Variants in ERICH1 observed in about 807,000 individuals in gnomAD.
ERICH1 encodes the protein glutamate-rich protein 1.
Under a neutral mutation model 39.6 loss-of-function variants are expected in ERICH1, and 56 were observed. The observed-to-expected ratio is 1.41, with a 90% confidence interval of 1.14 to 1.77. The LOEUF (loss-of-function observed/expected upper bound fraction) is 1.77, where lower values mean the gene tolerates loss of function less well. ERICH1 is among the 40% of genes most tolerant of loss of function. The pLI, the probability that ERICH1 is intolerant of heterozygous loss-of-function variation, is 0.00. For synonymous variants in ERICH1, 313 were observed against 223.6 expected (o/e 1.40, Z -3.57); for missense variants, 826 against 575.4 (o/e 1.44, Z -4.45).
At chr8:624,335 C>A (rs1381238852) in intron 3 of ERICH1, among the ~76,000 whole-genome samples, 1 of 152,162 alleles carries the variant, frequency 6.6e-6, no homozygotes, top group Non-Finnish European at 1.5e-5. Flanking sequence ...GATGGTGCAA[C>A]CATGTGGAAC....
intron 3 of ERICH1, chr8:615,517 G>T (rs1001064743): frequency 6.9e-6 from 3 of 431,748 alleles, no homozygotes; most frequent in African/African-American, 6.1e-5. Flanking sequence ...CCTGCAAAGG[G>T]AAGGCTCAGA....
At chr8:719,288 C>G (rs188422614) in intron 1 of ERICH1, among the ~76,000 whole-genome samples, 1 of 152,252 alleles carries the variant, frequency 6.6e-6, no homozygotes, top group Admixed American at 6.5e-5. Flanking sequence ...CCCCATCCAC[C>G]CTCCATGCCT....
rs552049087 is a variant in ERICH1 at position 673,556 on chromosome 8, C to A, written c.796G>T (p.Val266Phe). Residue 266 changes from valine (V) to phenylalanine (F), a missense_variant, in exon 4 of 6, where the codon GTT (valine) becomes TTT (phenylalanine). Coordinates refer to ENST00000262109, the MANE Select transcript of ERICH1 (RefSeq NM_207332.3). ...CCGTCCTCCTCCCTGGCGTCTTTAA[C>A]GTCTTCCTCCCCGGCCGGTGTCGGA... ...EDPTPAGEEDVKDAREEDGVD... is the reference protein window; with the variant it reads ...EDPTPAGEEDFKDAREEDGVD... The A allele has an allele frequency of 3.2e-6, 5 of 1,553,030 alleles. No individual in the cohort carries two copies. The highest frequency in any genetic ancestry group is 3.5e-5 in the Admixed American group (2 of 57,038).
intron 1 of ERICH1, among the ~76,000 whole-genome samples, chr8:726,583 C>T (rs533715837): frequency 1.3e-5 from 2 of 151,330 alleles, no homozygotes; most frequent in East Asian, 3.9e-4. Context: ...CACACAGGCG[C>T]ACACACATAC....
At chr8:699,628 G>C (rs531496205) in intron 2 of ERICH1, among the ~76,000 whole-genome samples, 6 of 152,268 alleles carry the variant, frequency 3.9e-5, no homozygotes, top group African/African-American at 1.4e-4. Flanking sequence ...CAGCATCCAA[G>C]ATCTCAACAC....
At chr8:716,496 G>A (rs1051064207) in intron 1 of ERICH1, among the ~76,000 whole-genome samples, 5 of 152,198 alleles carry the variant, frequency 3.3e-5, no homozygotes, top group African/African-American at 9.6e-5. Context: ...GGGAACCCAC[G>A]GTCTGCACTC....
At chr8:665,411 G>C (rs1802052878) in intron 5 of ERICH1, among the ~76,000 whole-genome samples, 1 of 152,176 alleles carries the variant, frequency 6.6e-6, no homozygotes, top group African/African-American at 2.4e-5. Context: ...AACTTGTCCG[G>C]GCACCAAATG....
At chr8:624,900 G>C (rs1313994143) in intron 3 of ERICH1, among the ~76,000 whole-genome samples, 3 of 151,904 alleles carry the variant, frequency 2.0e-5, no homozygotes, top group African/African-American at 7.3e-5. Flanking sequence ...CTAATTTTTT[G>C]TATTTTTAGT....
chr8:656,767 C>T (rs1800714963), intron 3 of ERICH1: 2 of 985,332 alleles, frequency 2.0e-6, no homozygotes, highest in South Asian at 9.4e-5. Flanking sequence ...AGTGTTGTGC[C>T]AAACGGTGCA....
At chr8:708,924 A>T (rs1202916236) in intron 2 of ERICH1, among the ~76,000 whole-genome samples, 5 of 151,696 alleles carry the variant, frequency 3.3e-5, no homozygotes, top group African/African-American at 1.2e-4. Context: ...CCAACTCCTA[A>T]GCTCAAGTGA....
Position 710,051 on chromosome 8 carries a change from T to C in ERICH1, c.169+5810A>G, listed in dbSNP as rs80348376. Among the ~76,000 whole-genome samples, 1,169 of 152,328 alleles carry C rather than the reference T, an allele frequency of 7.7e-3. 14 individuals carry two copies. Among genetic ancestry groups the C allele is most frequent in the African/African-American group, 0.027 (1,122 of 41,574 alleles). Reference sequence around the variant, plus strand: ...GGGATGGCCTGCTTCTTGTAAGGCATAACAGTGCACATGCTCCCCATTATC... The same window carrying C: ...GGGATGGCCTGCTTCTTGTAAGGCACAACAGTGCACATGCTCCCCATTATC... On this transcript the variant is annotated intron_variant, in intron 2 of 5. Transcript: ENST00000262109.
At chr8:704,496 A>G (rs1812822804) in intron 2 of ERICH1, among the ~76,000 whole-genome samples, 1 of 152,218 alleles carries the variant, frequency 6.6e-6, no homozygotes, top group Non-Finnish European at 1.5e-5. Flanking sequence ...GAAAACTATT[A>G]ACTCTACTAA....
chr8:655,374 G>C (rs1563193392), intron 3 of ERICH1, among the ~76,000 whole-genome samples: 1 of 152,350 alleles, frequency 6.6e-6, no homozygotes, highest in South Asian at 2.1e-4. Context: ...CTGTACGTCA[G>C]CACACCCAGG....
intron 3 of ERICH1, among the ~76,000 whole-genome samples, chr8:632,517 C>CA (rs1331207624): frequency 6.6e-6 from 1 of 152,074 alleles, no homozygotes; most frequent in Non-Finnish European, 1.5e-5. Flanking sequence ...AATTTATGAA[C>CA]ATTGTTTTGG....
chr8:657,773 G>A (rs189344551), intron 3 of ERICH1, among the ~76,000 whole-genome samples: 1 of 152,144 alleles, frequency 6.6e-6, no homozygotes, highest in East Asian at 1.9e-4. Flanking sequence ...ACTCAGTAAT[G>A]TGCAGGAATT....
intron 3 of ERICH1, among the ~76,000 whole-genome samples, chr8:682,008 T>G (rs1806238205): frequency 6.6e-6 from 1 of 152,104 alleles, no homozygotes. Flanking sequence ...ACCTTTGATG[T>G]CTCCTCTCAG....
chr8:662,274 A>G (rs897281045), downstream of ERICH1, among the ~76,000 whole-genome samples: 5 of 152,214 alleles, frequency 3.3e-5, no homozygotes, highest in Admixed American at 1.3e-4. Flanking sequence ...AAAGACACAA[A>G]TGGGACGTTA....
intron 2 of ERICH1, among the ~76,000 whole-genome samples, chr8:704,837 G>A (rs1812902267): frequency 6.6e-6 from 1 of 152,170 alleles, no homozygotes; most frequent in African/African-American, 2.4e-5. Context: ...TTTTACCCAG[G>A]AGCAGCCACT....
intron 3 of ERICH1, among the ~76,000 whole-genome samples, chr8:638,880 G>T (rs1798676134): frequency 6.6e-6 from 1 of 152,082 alleles, no homozygotes; most frequent in Non-Finnish European, 1.5e-5. Context: ...CTGCTCAGTG[G>T]ACGCTGCCTC....
Sources: gnomAD v4.1 joint callset for allele counts (sites outside exome capture counted in the v4.1 genomes callset) on GRCh38, gnomAD v4.1.1 for gene constraint, MANE v1.5 for transcripts, NCBI Gene and HGNC (gene_info 2026-07-23, HGNC 2026-07-21) for gene names.